Variants in MARCHF1 observed in about 807,000 individuals in gnomAD.
The protein encoded by MARCHF1 is E3 ubiquitin-protein ligase MARCHF1.
MARCHF1 carries 40 observed loss-of-function variants against 54.2 expected under a neutral mutation model. The observed-to-expected ratio is 0.74, with a 90% CI of 0.57 to 0.96. The LOEUF (loss-of-function observed/expected upper bound fraction) is 0.96, where lower values mean the gene tolerates loss of function less well. MARCHF1 is among the 40% of genes least tolerant of loss of function. The pLI is 0.00. For missense variants in MARCHF1, 586 were observed against 656.5 expected (o/e 0.89, Z 1.17); for synonymous variants, 236 against 236.3 (o/e 1.00, Z 0.01).
intron 2 of MARCHF1, among the ~76,000 whole-genome samples, chr4:164,006,167 A>C (rs1017982861): frequency 2.0e-5 from 3 of 152,212 alleles, no homozygotes; most frequent in Non-Finnish European, 2.9e-5. Flanking sequence ...AAGTTCTCTG[A>C]AAAAGAATTC....
At chr4:164,197,408 T>C (rs1731306119) in intron 1 of MARCHF1, 4 of 1,613,482 alleles carry the variant, frequency 2.5e-6, no homozygotes, top group Non-Finnish European at 1.7e-6. Context: ...AGTGGCTCTA[T>C]TGTGCTGAGG....
chr4:163,863,198 AG>A (rs1325712097), intron 3 of MARCHF1, among the ~76,000 whole-genome samples: 2 of 152,194 alleles, frequency 1.3e-5, no homozygotes, highest in Admixed American at 6.6e-5. Flanking sequence ...CAGGATGGAA[AG>A]CAGGCTGTGA....
chr4:163,575,090 C>T (rs1253635893), intron 8 of MARCHF1, among the ~76,000 whole-genome samples: 2 of 151,908 alleles, frequency 1.3e-5, no homozygotes, highest in African/African-American at 4.8e-5. Context: ...AGTAAGCATC[C>T]TTTTCTTGCT....
At chr4:163,628,623 T>C (rs901780479) in intron 5 of MARCHF1, among the ~76,000 whole-genome samples, 1 of 152,222 alleles carries the variant, frequency 6.6e-6, no homozygotes, top group Non-Finnish European at 1.5e-5. Context: ...TGTTTGGAGA[T>C]GATATGATTT....
intron 1 of MARCHF1, among the ~76,000 whole-genome samples, chr4:164,315,096 C>G (rs1346577535): frequency 6.6e-6 from 1 of 152,024 alleles, no homozygotes; most frequent in Non-Finnish European, 1.5e-5. Flanking sequence ...GATGACCAAG[C>G]TACATTTTAT....
intron 1 of MARCHF1, among the ~76,000 whole-genome samples, chr4:164,236,319 A>T (rs1230477135): frequency 2.6e-5 from 4 of 152,142 alleles, no homozygotes; most frequent in African/African-American, 9.6e-5. Context: ...TTCTTGAAAC[A>T]CACCTTATTT....
intron 1 of MARCHF1, among the ~76,000 whole-genome samples, chr4:164,224,080 C>T (rs1429854098): frequency 1.3e-5 from 2 of 151,076 alleles, no homozygotes; most frequent in Non-Finnish European, 3.0e-5. Context: ...CCAAGCTTGT[C>T]TAACCATGGC....
intron 5 of MARCHF1, among the ~76,000 whole-genome samples, chr4:163,684,574 CTGA>C (rs1744209668): frequency 6.6e-6 from 1 of 152,118 alleles, no homozygotes; most frequent in Non-Finnish European, 1.5e-5. Context: ...CTAATTTTAT[CTGA>C]TAACTCCTAT....
chr4:164,143,148 G>T (rs1756594281), intron 1 of MARCHF1, among the ~76,000 whole-genome samples: 2 of 151,174 alleles, frequency 1.3e-5, no homozygotes, highest in South Asian at 2.1e-4. Flanking sequence ...AATGAGCAAA[G>T]CCTCCAAGAA....
chr4:164,201,026 T>A (rs1444831844), intron 1 of MARCHF1, among the ~76,000 whole-genome samples: 2 of 151,698 alleles, frequency 1.3e-5, no homozygotes, highest in African/African-American at 4.8e-5. Context: ...TCAGGTCGAC[T>A]TGCCTAAAAA....
intron 5 of MARCHF1, among the ~76,000 whole-genome samples, chr4:163,686,717 C>T (rs1445335667): frequency 6.6e-6 from 1 of 151,726 alleles, no homozygotes; most frequent in Non-Finnish European, 1.5e-5. Flanking sequence ...ATTAAAAATA[C>T]AAGTCAAAGA....
Position 163,616,738 on chromosome 4 carries a change from A to C in MARCHF1, c.163-3345T>G, listed in dbSNP as rs77147575. 4.3e-3 allele frequency among the ~76,000 whole-genome samples: 647 copies of C among 149,686 alleles called. 2 individuals are homozygous for C. The highest frequency in any genetic ancestry group is 0.015 in the African/African-American group (586 of 39,826). ...CTGAAAACACACACACACACACACA[A>C]AAGTAACAAAATAAAATTCACCAGA... On this transcript the variant is annotated intron_variant, in intron 5 of 9. Coordinates refer to ENST00000514618, the MANE Select transcript of MARCHF1 (RefSeq NM_001394959.1).
intron 1 of MARCHF1, among the ~76,000 whole-genome samples, chr4:164,214,159 G>C (rs1731862641): frequency 1.6e-5 from 2 of 126,326 alleles, no homozygotes; most frequent in Admixed American, 8.6e-5. Flanking sequence ...AATAAACAAT[G>C]AAAAAGTAAA....
chr4:163,923,163 G>C (rs1162657572), intron 3 of MARCHF1, among the ~76,000 whole-genome samples: 1 of 145,032 alleles, frequency 6.9e-6, no homozygotes, highest in African/African-American at 2.5e-5. Context: ...TAATTCCTTG[G>C]GAATACATTT....
chr4:164,316,377 T>G (rs1157814920), intron 1 of MARCHF1, among the ~76,000 whole-genome samples: 2 of 152,200 alleles, frequency 1.3e-5, no homozygotes, highest in Non-Finnish European at 2.9e-5. Context: ...CTAGTTAGTA[T>G]TCAGATCTCA....
intron 3 of MARCHF1, among the ~76,000 whole-genome samples, chr4:163,890,747 A>C (rs1750643779): frequency 6.6e-6 from 1 of 151,798 alleles, no homozygotes; most frequent in South Asian, 2.1e-4. Flanking sequence ...TTGGAATAAC[A>C]ATCTGCCTGC....
intron 7 of MARCHF1, among the ~76,000 whole-genome samples, chr4:163,601,086 A>AT (rs1369609899): frequency 6.6e-6 from 1 of 152,214 alleles, no homozygotes; most frequent in Admixed American, 6.5e-5. Context: ...ACCAAATTAG[A>AT]TACTAGTATT....
chr4:163,674,147 G>A (rs1561011526), intron 5 of MARCHF1, among the ~76,000 whole-genome samples: 2 of 151,928 alleles, frequency 1.3e-5, no homozygotes, highest in African/African-American at 4.8e-5. Context: ...CCAACACCTG[G>A]AAGATAGTTA....
At chr4:163,686,521 T>C (rs1744274225) in intron 5 of MARCHF1, among the ~76,000 whole-genome samples, 3 of 149,048 alleles carry the variant, frequency 2.0e-5, no homozygotes, top group African/African-American at 7.3e-5. Context: ...ACCAAGCTAA[T>C]AACATTTTTC....
Sources: allele counts gnomAD v4.1 joint callset (sites outside exome capture counted in the v4.1 genomes callset), GRCh38; gene constraint gnomAD v4.1.1; transcripts MANE v1.5; gene names NCBI Gene and HGNC (gene_info 2026-07-23, HGNC 2026-07-21).